The following MYO7A variants were observed in gnomAD, a reference collection of about 807,000 sequenced individuals.
The protein encoded by MYO7A is myosin VIIA.
MYO7A carries 210 observed loss-of-function variants against 263.8 expected under a neutral mutation model. The observed-to-expected ratio is 0.80, with a 90% CI of 0.71 to 0.89. The LOEUF is 0.89. MYO7A is among the 40% of genes least tolerant of loss of function. The pLI is 0.00. For synonymous variants in MYO7A, 1,239 were observed against 1,197.3 expected, an observed-to-expected ratio of 1.03 and a Z score of -0.72; for missense variants, 2,820 against 2,968.3, an observed-to-expected ratio of 0.95 and a Z score of 1.16.
At chr11:77,191,360 C>T (rs1019441811) in intron 30 of MYO7A, among the ~76,000 whole-genome samples, 2 of 152,206 alleles carry the variant, frequency 1.3e-5, no homozygotes, top group African/African-American at 2.4e-5. Context: ...TGCTCTTCAG[C>T]ACCTGAGGGA....
rs1173941065 is a variant in MYO7A, at chr11:77,194,362, C to A, written c.4161C>A (p.Asp1387Glu). Residue 1387 changes from aspartate to glutamate, a missense_variant, in exon 32 of 49, where the codon GAC (aspartate) becomes GAA (glutamate). Physicochemically the swap from Asp to Glu is conservative, Grantham distance 45 (BLOSUM62 2). Coordinates refer to ENST00000409709, the MANE Select transcript of MYO7A (RefSeq NM_000260.4). Reference protein sequence around the residue: ...FGEYRCEKEDDLAELASQQYF... With the variant: ...FGEYRCEKEDELAELASQQYF... The stretch of plus-strand genomic sequence containing the variant: ...GGCCTCCCCCCACCTAGGAGGACGA[C>A]CTGGCTGAGCTGGCCTCCCAGCAGT... The A allele has an allele frequency of 1.8e-5, 29 of 1,611,954 alleles. No individual in the cohort carries two copies. Among genetic ancestry groups the A allele is most frequent in the Non-Finnish European group, 2.3e-5 (27 of 1,179,046 alleles).
intron 36 of MYO7A, 134 bp from the exon 37 acceptor site, chr11:77,202,166 A>G: frequency 8.5e-7 from 1 of 1,179,910 alleles, no homozygotes; most frequent in Non-Finnish European, 1.1e-6. Flanking sequence ...CGGGGCTCCC[A>G]GGGTCAGAAT....
intron 26 of MYO7A, 94 bp downstream of exon 26, chr11:77,183,251 G>A: frequency 9.2e-7 from 1 of 1,084,686 alleles, no homozygotes; most frequent in Non-Finnish European, 1.4e-6. Flanking sequence ...CACGGAAGCA[G>A]GAGCAGGAGT....
intron 15 of MYO7A, among the ~76,000 whole-genome samples, chr11:77,170,176 G>C (rs782409755): frequency 6.6e-6 from 1 of 152,198 alleles, no homozygotes; most frequent in South Asian, 2.1e-4. Context: ...GGAATGCGGC[G>C]GTGGGACTCT....
rs372311564 is a variant in MYO7A, at chr11:77,204,104, G to A, written c.5355G>A (p.Pro1785=). 7.5e-5 allele frequency: 120 copies of A among 1,601,306 alleles called. No individual in the cohort carries two copies. Among genetic ancestry groups the A allele is most frequent in the Middle Eastern group, 3.3e-4 (2 of 6,076 alleles). Residue 1785 remains proline (P), a synonymous_variant, in exon 39 of 49, where the codon CCG becomes CCA. Transcript: ENST00000409709. ...IAVLKYMGDY[P]SKRTRSVNEL... is the part of the protein sequence containing the mutation. ...TGCTCAAGTACATGGGCGACTACCC[G>A]TCCAAGAGGACACGCTCCGTCAACG...
At chr11:77,151,720 A>G (rs1458810685) in intron 4 of MYO7A, among the ~76,000 whole-genome samples, 4 of 152,206 alleles carry the variant, frequency 2.6e-5, no homozygotes, top group Non-Finnish European at 5.9e-5. Flanking sequence ...ATCCTTAGAG[A>G]GATTGGCCAG....
At chr11:77,151,208 G>A (rs1431930762) in intron 4 of MYO7A, among the ~76,000 whole-genome samples, 2 of 152,220 alleles carry the variant, frequency 1.3e-5, no homozygotes, top group Non-Finnish European at 2.9e-5. Flanking sequence ...GACTGTCCCC[G>A]CATTGTGTGG....
rs1383503543 is a variant in MYO7A at position 77,187,998 on chromosome 11, T to A, written c.3504-1346T>A. Reference sequence around the variant, plus strand: ...GCCAACAGGAGGAAAAGGCAGCTGCTGCAGGCGTGTCTCAGGGGCAAGAAT... The same window carrying A: ...GCCAACAGGAGGAAAAGGCAGCTGCAGCAGGCGTGTCTCAGGGGCAAGAAT... On this transcript the variant is annotated intron_variant, in intron 27 of 48. Coordinates refer to ENST00000409709, the MANE Select transcript of MYO7A (RefSeq NM_000260.4). 3.3e-5 allele frequency among the ~76,000 whole-genome samples: 5 copies of A among 152,354 alleles called. No homozygotes were observed. The East Asian group carries it at 9.6e-4, about 29-fold the overall frequency.
Position 77,192,146 on chromosome 11 carries a change from C to G in MYO7A, c.4020C>G (p.Ala1340=). The G allele has an allele frequency of 6.2e-7, 1 of 1,613,994 alleles. No individual in the cohort carries two copies. The highest frequency in any genetic ancestry group is 8.5e-7 in the Non-Finnish European group (1 of 1,179,902). ...AKEQGAQERN[A]PWRLFFRKEV... is the part of the protein sequence containing the mutation. ...AGCAGGGCGCCCAGGAGCGCAACGCCCCCTGGAGGCTCTTCTTCCGCAAAG... is the reference window on the plus strand; with the variant it reads ...AGCAGGGCGCCCAGGAGCGCAACGCGCCCTGGAGGCTCTTCTTCCGCAAAG... The change falls in exon 31 of 49, where the codon GCC becomes GCG. Residue 1340 remains alanine (A), a synonymous_variant. Transcript: ENST00000409709.
At chr11:77,173,305 A>G (rs933371832) in intron 16 of MYO7A, among the ~76,000 whole-genome samples, 1 of 152,192 alleles carries the variant, frequency 6.6e-6, no homozygotes, top group East Asian at 1.9e-4. Context: ...GCTTCTTTGA[A>G]AGTCCCCTTC....
chr11:77,168,008 G>A (rs1217298769), intron 15 of MYO7A, among the ~76,000 whole-genome samples: 2 of 152,220 alleles, frequency 1.3e-5, no homozygotes, highest in Non-Finnish European at 2.9e-5. Context: ...GCCCTGTGCT[G>A]TAAGGTGGCT....
At position 77,190,047 on chromosome 11, in the gene MYO7A, C is replaced by G. The variant is rs758332732; in HGVS notation, c.3658C>G (p.Pro1220Ala). Residue 1220 changes from proline (P) to alanine (A), a missense_variant, in exon 29 of 49, where the codon CCG becomes GCG. Physicochemically the swap from Pro to Ala is conservative, Grantham distance 27. Transcript: ENST00000409709. Reference protein sequence around the residue: ...KYLRNFIHGGPPGYAPYCEER... With the variant: ...KYLRNFIHGGAPGYAPYCEER... ...CCTGCGGAACTTCATCCACGGGGGC[C>G]CGCCCGGCTACGCCCCGTACTGTGA... 72 of 1,565,236 alleles carry G rather than the reference C, an allele frequency of 4.6e-5. 2 individuals carry two copies. In the South Asian group the frequency reaches 8.2e-4, roughly 18 times the overall value.
At chr11:77,199,390 T>C in intron 34 of MYO7A, 145 bp from the exon 35 acceptor site, 1 of 784,344 alleles carries the variant, frequency 1.3e-6, no homozygotes, top group South Asian at 3.0e-5. Context: ...AAAGGAGAAG[T>C]AGGCCGGGCC....
intron 44 of MYO7A, among the ~76,000 whole-genome samples, chr11:77,209,872 CCG>C (rs774765804): frequency 5.3e-5 from 8 of 151,970 alleles, no homozygotes; most frequent in Non-Finnish European, 7.3e-5. Flanking sequence ...CCCGTCCTGG[CCG>C]TGGCCCTGCC....
chr11:77,186,774 GT>G (rs1955677445), intron 27 of MYO7A, among the ~76,000 whole-genome samples: 1 of 152,226 alleles, frequency 6.6e-6, no homozygotes, highest in Non-Finnish European at 1.5e-5. Context: ...GTTCACTGGA[GT>G]AGCATTTTTG....
intron 31 of MYO7A, among the ~76,000 whole-genome samples, chr11:77,193,264 G>T (rs1239334927): frequency 1.3e-5 from 2 of 150,876 alleles, no homozygotes; most frequent in Non-Finnish European, 3.0e-5. Flanking sequence ...TGGTGGTGGT[G>T]GTGGTGATGG....
At chr11:77,135,888 G>T (rs772740787) in intron 2 of MYO7A, among the ~76,000 whole-genome samples, 1 of 151,974 alleles carries the variant, frequency 6.6e-6, no homozygotes. Flanking sequence ...ATCTTTTTTG[G>T]AGAAATGTCT....
Position 77,181,974 on chromosome 11 carries a change from G to A in MYO7A, c.2928G>A (p.Glu976=), listed in dbSNP as rs372223659. 1.8e-5 allele frequency: 29 copies of A among 1,613,284 alleles called. No homozygotes were observed. The African/African-American group carries it at 3.3e-4, about 19-fold the overall frequency. Residue 976 remains glutamate, a synonymous_variant, in exon 24 of 49, where the codon GAG becomes GAA. Transcript: ENST00000409709. ...GFEDLERGRR[E]MVEEDLDAAL... ...AGGACCTGGAGCGAGGGCGGAGGGAGATGGTGGAGGAGGACCTGGATGCAG... is the reference window on the plus strand; with the variant it reads ...AGGACCTGGAGCGAGGGCGGAGGGAAATGGTGGAGGAGGACCTGGATGCAG...
At position 77,155,979 on chromosome 11, in the gene MYO7A, C is replaced by T. The variant is rs397516302; in HGVS notation, c.358C>T (p.Arg120Cys). The change falls in exon 5 of 49, where the codon CGC becomes TGC. Residue 120 changes from arginine to cysteine, a missense_variant. Coordinates refer to ENST00000409709, the MANE Select transcript of MYO7A (RefSeq NM_000260.4). ...LLSIYSPEHI[R>C]QYTNKKIGEM... ...CTCCATCTACTCGCCAGAGCACATC[C>T]GCCAGTATACCAACAAGAAGATTGG... 1.9e-5 allele frequency: 30 copies of T among 1,613,302 alleles called. 1 individual carries two copies. The highest frequency in any genetic ancestry group is 8.3e-5 in the Admixed American group (5 of 59,934).
Sources: gnomAD v4.1 joint callset for allele counts (sites outside exome capture counted in the v4.1 genomes callset) on GRCh38, gnomAD v4.1.1 for gene constraint, MANE v1.5 for transcripts, NCBI Gene and HGNC (gene_info 2026-07-23, HGNC 2026-07-21) for gene names.